Variants in KCNN2 observed in about 807,000 individuals in gnomAD.
KCNN2 encodes the protein small conductance calcium-activated potassium channel protein 2.
KCNN2 carries 24 observed loss-of-function variants against 55.5 expected under a neutral mutation model. The ratio of observed to expected loss-of-function variants is 0.43; its 90% CI spans 0.31 to 0.61. The LOEUF is 0.61. KCNN2 is among the 20% of genes least tolerant of loss of function. KCNN2 has a pLI of 0.08. For synonymous variants in KCNN2, 431 were observed against 336.1 expected, an observed-to-expected ratio of 1.28 and a Z score of -3.09; for missense variants, 754 against 853.6, an observed-to-expected ratio of 0.88 and a Z score of 1.45.
At chr5:114,174,499 T>A (rs1432327224) in intron 1 of KCNN2, among the ~76,000 whole-genome samples, 1 of 152,154 alleles carries the variant, frequency 6.6e-6, no homozygotes, top group African/African-American at 2.4e-5. Flanking sequence ...TTGTATTTCT[T>A]ACTTCACTTC....
At position 114,161,901 on chromosome 5, in the gene KCNN2, G is replaced by A. The variant is rs374572497; in HGVS notation, c.-270-59579G>A. 1.1e-4 allele frequency among the ~76,000 whole-genome samples: 16 copies of A among 152,196 alleles called. No individual in the cohort carries two copies. The East Asian group carries it at 2.1e-3, about 20-fold the overall frequency. On this transcript the variant is annotated intron_variant, in intron 1 of 10. Coordinates refer to the KCNN2 transcript ENST00000512097. ...CATTGGTTATTCTAGTTAGCCATTC[G>A]TCTAGTTTTTGTTCAAGGTTTTTAA...
intron 2 of KCNN2, among the ~76,000 whole-genome samples, chr5:114,303,106 A>G (rs2150023142): frequency 6.6e-6 from 1 of 152,340 alleles, no homozygotes; most frequent in Admixed American, 6.5e-5. Context: ...TTGACTTTGG[A>G]AAATTGGCCT....
chr5:114,302,205 A>C (rs949220814), intron 2 of KCNN2, among the ~76,000 whole-genome samples: 12 of 152,162 alleles, frequency 7.9e-5, no homozygotes, highest in African/African-American at 2.9e-4. Context: ...ATCATGCTTG[A>C]CTTTGCATAG....
intron 1 of KCNN2, among the ~76,000 whole-genome samples, chr5:114,119,683 C>T (rs1024486705): frequency 3.9e-5 from 6 of 152,152 alleles, no homozygotes; most frequent in African/African-American, 1.4e-4. Context: ...TTAAGATCCA[C>T]GTGTTCTAAG....
At chr5:114,207,187 TCAAA>T (rs961431137) in intron 1 of KCNN2, among the ~76,000 whole-genome samples, 25 of 152,148 alleles carry the variant, frequency 1.6e-4, no homozygotes, top group African/African-American at 5.6e-4. Flanking sequence ...CACTGGACCG[TCAAA>T]CACCCTCTCA....
At chr5:114,469,856 G>A (rs1025428554) in intron 4 of KCNN2, among the ~76,000 whole-genome samples, 5 of 152,172 alleles carry the variant, frequency 3.3e-5, no homozygotes, top group South Asian at 2.1e-4. Context: ...ATTCTCTTAC[G>A]ATTTATTAAT....
intron 2 of KCNN2, 95 bp downstream of exon 2, chr5:114,364,096 C>T (rs1422316305): frequency 1.9e-5 from 17 of 875,864 alleles, no homozygotes; most frequent in Middle Eastern, 4.4e-4. Flanking sequence ...GCCATCATGT[C>T]CTTGCTTGAG....
intron 2 of KCNN2, among the ~76,000 whole-genome samples, chr5:114,310,651 C>T (rs553557130): frequency 2.0e-4 from 31 of 152,026 alleles, no homozygotes; most frequent in Admixed American, 4.6e-4. Flanking sequence ...AGAGATAGGA[C>T]ATAGGAACTG....
chr5:114,168,112 A>C (rs1291371281), intron 1 of KCNN2, among the ~76,000 whole-genome samples: 1 of 151,208 alleles, frequency 6.6e-6, no homozygotes, highest in Non-Finnish European at 1.5e-5. Flanking sequence ...TTAAGTTTTA[A>C]ATATATGTAG....
intron 2 of KCNN2, among the ~76,000 whole-genome samples, chr5:114,396,370 AT>A (rs1758617833): frequency 6.6e-6 from 1 of 152,128 alleles, no homozygotes; most frequent in Non-Finnish European, 1.5e-5. Flanking sequence ...GCCATACAGC[AT>A]TTTTCTTTGT....
At chr5:114,443,506 C>T (rs931533094) in intron 3 of KCNN2, among the ~76,000 whole-genome samples, 2 of 152,140 alleles carry the variant, frequency 1.3e-5, no homozygotes, top group African/African-American at 4.8e-5. Context: ...GTAAGGAATG[C>T]CTTGCTTCCA....
At position 114,373,640 on chromosome 5, in the gene KCNN2, T is replaced by TTTTA. The variant is rs536849367; in HGVS notation, c.1218+9640_1218+9641insTTAT. ...CTCTCATGGTGTTGTTATGAAGATT[T>TTTTA]TATATATATATATATATAAAATTAC... On this transcript the variant is annotated intron_variant, in intron 2 of 7. Transcript: ENST00000673685. Among the ~76,000 whole-genome samples the TTTTA allele has an allele frequency of 5.2e-3, 293 of 56,718 alleles. 45 individuals carry two copies. Among genetic ancestry groups the TTTTA allele is most frequent in the African/African-American group, 0.015 (287 of 19,012 alleles). 37.2% of individuals were successfully genotyped at this position (56,718 alleles called of 152,430 possible). A position where few individuals can be genotyped will look rare whatever the true frequency, so the allele number is the denominator to read the frequency against.
At chr5:114,434,002 A>T (rs1759907606) in intron 3 of KCNN2, 1 of 152,146 alleles carries the variant, frequency 6.6e-6, no homozygotes, top group Non-Finnish European at 1.5e-5. Context: ...GTTTAAAGTG[A>T]TTATTAGTAT....
At chr5:114,221,622 T>A (rs1754140741) in intron 2 of KCNN2, among the ~76,000 whole-genome samples, 1 of 152,318 alleles carries the variant, frequency 6.6e-6, no homozygotes, top group South Asian at 2.1e-4. Flanking sequence ...ATAAGTGATT[T>A]TATTGAAAAC....
intron 3 of KCNN2, among the ~76,000 whole-genome samples, chr5:114,461,400 A>C (rs1730526867): frequency 6.6e-6 from 1 of 152,086 alleles, no homozygotes; most frequent in Non-Finnish European, 1.5e-5. Flanking sequence ...TGCCACAGAA[A>C]CTTGCAGGAT....
At chr5:114,369,797 A>G (rs1445446008) in intron 2 of KCNN2, among the ~76,000 whole-genome samples, 1 of 152,176 alleles carries the variant, frequency 6.6e-6, no homozygotes, top group South Asian at 2.1e-4. Context: ...ACAGAGCAGC[A>G]TCACAAATGA....
chr5:114,146,100 A>G (rs1752393332), intron 1 of KCNN2, among the ~76,000 whole-genome samples: 2 of 152,124 alleles, frequency 1.3e-5, no homozygotes, highest in Non-Finnish European at 2.9e-5. Context: ...GTTAAAATAG[A>G]AGCTTTTGAC....
At chr5:114,388,905 GATCA>G (rs1758365630) in intron 2 of KCNN2, among the ~76,000 whole-genome samples, 1 of 152,078 alleles carries the variant, frequency 6.6e-6, no homozygotes, top group African/African-American at 2.4e-5. Context: ...TTGAAAAGAG[GATCA>G]ATTAAGTCCC....
intron 1 of KCNN2, among the ~76,000 whole-genome samples, chr5:114,220,193 C>A (rs900784763): frequency 6.6e-6 from 1 of 152,132 alleles, no homozygotes; most frequent in Non-Finnish European, 1.5e-5. Context: ...AGGACCTCTT[C>A]TTGGCTTAAC....
Sources: gnomAD v4.1 joint callset for allele counts (sites outside exome capture counted in the v4.1 genomes callset) on GRCh38, gnomAD v4.1.1 for gene constraint, MANE v1.5 for transcripts, NCBI Gene and HGNC (gene_info 2026-07-23, HGNC 2026-07-21) for gene names.